The following DPP6 variants were observed in gnomAD, a reference collection of about 807,000 sequenced individuals.
The protein encoded by DPP6 is A-type potassium channel modulatory protein DPP6.
A neutral mutation model predicts 122.6 loss-of-function variants in DPP6; 69 were observed. The ratio of observed to expected loss-of-function variants is 0.56; its 90% CI spans 0.46 to 0.69. DPP6 has a LOEUF of 0.69. DPP6 is among the 30% of genes least tolerant of loss of function. DPP6 has a pLI of 0.00. For missense variants in DPP6, 928 were observed against 1,116.9 expected (o/e 0.83, Z 2.41); for synonymous variants, 418 against 433.1 (o/e 0.97, Z 0.43).
chr7:154,377,838 G>A (rs948220952), intron 1 of DPP6, among the ~76,000 whole-genome samples: 8 of 152,090 alleles, frequency 5.3e-5, no homozygotes, highest in Admixed American at 5.2e-4. Context: ...ATTCAATATA[G>A]CTTCTAAAAC....
At chr7:154,775,926 G>A (rs577678903) in intron 10 of DPP6, among the ~76,000 whole-genome samples, 27 of 152,108 alleles carry the variant, frequency 1.8e-4, no homozygotes, top group Admixed American at 1.4e-3. Context: ...CAGGATCCCC[G>A]GCCTCCTTTA....
At chr7:154,014,755 C>A (rs1798323850) in intron 1 of DPP6, among the ~76,000 whole-genome samples, 1 of 152,120 alleles carries the variant, frequency 6.6e-6, no homozygotes, top group South Asian at 2.1e-4. Context: ...CTTGATACCC[C>A]TCCACGTTCT....
chr7:154,090,936 CA>C (rs1213828385), intron 1 of DPP6, among the ~76,000 whole-genome samples: 13 of 148,848 alleles, frequency 8.7e-5, no homozygotes, highest in Non-Finnish European at 1.3e-4. Context: ...CTGGCTAACA[CA>C]GTGAAACCCC....
intron 1 of DPP6, among the ~76,000 whole-genome samples, chr7:154,242,892 C>T (rs770535316): frequency 7.9e-5 from 12 of 152,206 alleles, no homozygotes; most frequent in Non-Finnish European, 1.6e-4. Flanking sequence ...TGAATGAAGG[C>T]ATTATTGCTA....
chr7:154,722,538 T>G (rs889974282), intron 7 of DPP6, among the ~76,000 whole-genome samples: 3 of 152,234 alleles, frequency 2.0e-5, no homozygotes, highest in African/African-American at 7.2e-5. Context: ...AGAAAGTTAT[T>G]TCAGATTTTT....
chr7:154,459,141 A>T (rs949172795), intron 2 of DPP6, among the ~76,000 whole-genome samples: 7 of 120,020 alleles, frequency 5.8e-5, no homozygotes, highest in South Asian at 2.9e-4. Flanking sequence ...AATGCAGATT[A>T]AAAAAAAGAA....
chr7:153,880,703 A>C, the DPP6 span, among the ~76,000 whole-genome samples: 3 of 152,186 alleles, frequency 2.0e-5, no homozygotes, highest in Non-Finnish European at 2.9e-5. Context: ...GTATGTGGGG[A>C]GAAAAGACAC....
chr7:154,380,304 G>A (rs1201927789), intron 1 of DPP6, among the ~76,000 whole-genome samples: 3 of 152,218 alleles, frequency 2.0e-5, no homozygotes, highest in Non-Finnish European at 4.4e-5. Flanking sequence ...TTGGGGTGGT[G>A]TTTGCAAATT....
intron 8 of DPP6, among the ~76,000 whole-genome samples, chr7:154,768,287 G>A (rs750795720): frequency 5.3e-5 from 8 of 152,232 alleles, no homozygotes; most frequent in Non-Finnish European, 8.8e-5. Flanking sequence ...GTGCCCTCCT[G>A]TGGGCAGTCA....
rs906061436 is a variant in DPP6, at chr7:153,928,115, A to T, written c.51+40381A>T. 8.9e-5 allele frequency among the ~76,000 whole-genome samples: 12 copies of T among 134,750 alleles called. No homozygotes were observed. The Admixed American group carries it at 9.2e-4, about 10-fold the overall frequency. 88.4% of individuals were successfully genotyped at this position (134,750 alleles called of 152,430 possible). A position where few individuals can be genotyped will look rare whatever the true frequency, so the allele number is the denominator to read the frequency against. On this transcript the variant is annotated intron_variant, in intron 1 of 25. Transcript: ENST00000404039. ...ATATCATACACTGGGTAGCTTAAAA[A>T]CAGCAGAAATTTATTTCTCACAGTT...
At chr7:154,198,141 G>A (rs984604565) in intron 1 of DPP6, among the ~76,000 whole-genome samples, 3 of 152,042 alleles carry the variant, frequency 2.0e-5, no homozygotes, top group African/African-American at 7.2e-5. Flanking sequence ...TATGGATCCT[G>A]CTTGATGTGT....
chr7:154,055,992 C>T (rs1800795672), intron 1 of DPP6: 2 of 152,170 alleles, frequency 1.3e-5, no homozygotes, highest in East Asian at 1.9e-4. Flanking sequence ...CTGAGCATGA[C>T]TGAGAATGGG....
chr7:154,526,117 A>G (rs1436519325), intron 3 of DPP6, among the ~76,000 whole-genome samples: 1 of 152,234 alleles, frequency 6.6e-6, no homozygotes, highest in African/African-American at 2.4e-5. Context: ...CTGCTACAAT[A>G]TAAGCCTGCA....
intron 1 of DPP6, among the ~76,000 whole-genome samples, chr7:154,130,540 G>C (rs1795216662): frequency 6.6e-6 from 1 of 152,212 alleles, no homozygotes; most frequent in African/African-American, 2.4e-5. Flanking sequence ...ACTTTCTTGA[G>C]TGCTGGATGC....
intron 7 of DPP6, among the ~76,000 whole-genome samples, chr7:154,721,838 G>A (rs1056410995): frequency 1.3e-5 from 2 of 151,986 alleles, no homozygotes; most frequent in African/African-American, 4.8e-5. Flanking sequence ...ACTTTGAGTT[G>A]GTTGACTCAC....
intron 1 of DPP6, among the ~76,000 whole-genome samples, chr7:153,952,570 C>T (rs550488415): frequency 6.6e-5 from 10 of 152,320 alleles, no homozygotes; most frequent in Admixed American, 3.9e-4. Context: ...CAGTTTATTA[C>T]GGAGCATCCA....
chr7:154,509,940 G>C (rs1825935386), intron 3 of DPP6, among the ~76,000 whole-genome samples: 2 of 152,058 alleles, frequency 1.3e-5, no homozygotes, highest in Admixed American at 1.3e-4. Context: ...TGAGGGGCAT[G>C]GGGGCAAAGA....
chr7:154,631,035 AT>A (rs1835377659), intron 5 of DPP6, among the ~76,000 whole-genome samples: 1 of 152,252 alleles, frequency 6.6e-6, no homozygotes, highest in African/African-American at 2.4e-5. Flanking sequence ...AAAGTTTGGC[AT>A]AAAAACATCC....
At chr7:154,649,382 C>T (rs974498792) in intron 6 of DPP6, among the ~76,000 whole-genome samples, 1 of 152,194 alleles carries the variant, frequency 6.6e-6, no homozygotes, top group Non-Finnish European at 1.5e-5. Context: ...TTTCCTTTCT[C>T]TTGGGTGAAT....
Sources: allele counts gnomAD v4.1 joint callset (sites outside exome capture counted in the v4.1 genomes callset), GRCh38; gene constraint gnomAD v4.1.1; transcripts MANE v1.5; gene names NCBI Gene and HGNC (gene_info 2026-07-23, HGNC 2026-07-21).